The following MZF1 variants were observed in gnomAD, a reference collection of about 807,000 sequenced individuals.
MZF1 encodes the protein myeloid zinc finger 1, also known as zinc finger and SCAN domain-containing protein 6.
In MZF1, 24 loss-of-function variants were observed where a neutral mutation model predicts 28.6. That is an observed-to-expected ratio of 0.84 (90% CI 0.61 to 1.18). MZF1 has a LOEUF of 1.18. Ranked by LOEUF, MZF1 falls within the 50% of genes most tolerant of loss-of-function variation. MZF1 has a pLI of 0.00. For synonymous variants in MZF1, 516 were observed against 432.5 expected (o/e 1.19, Z -2.40); for missense variants, 1,166 against 1,026.4 (o/e 1.14, Z -1.86).
At chr19:58,570,938 G>A (rs1287681138) in intron 2 of MZF1, 56 bp downstream of exon 2, 28 of 1,530,420 alleles carry the variant, frequency 1.8e-5, no homozygotes, top group Non-Finnish European at 2.0e-5. Flanking sequence ...TGCCCAGGGT[G>A]AGGCCGAGCT....
chr19:58,569,064 A>T lies in MZF1; in HGVS notation c.772+213T>A, dbSNP rs547297533. The T allele has an allele frequency of 5.7e-6, 3 of 524,168 alleles. No individual in the cohort carries two copies. In the South Asian group the frequency reaches 8.9e-5, roughly 16 times the overall value. 32.5% of individuals were successfully genotyped at this position (524,168 alleles called of 1,614,324 possible). Reference sequence around the variant, plus strand: ...AGGGTGGGGAGTTTCTAGAAAGTAGAGGGGCTGTGGGATCAGTGGTAGTGG... The same window carrying T: ...AGGGTGGGGAGTTTCTAGAAAGTAGTGGGGCTGTGGGATCAGTGGTAGTGG... On this transcript the variant is annotated intron_variant, in intron 5 of 5. Transcript: ENST00000215057.
Position 58,562,072 on chromosome 19 carries a change from C to G in MZF1, c.2205G>C (p.Ter735TyrextTer42). Residue 735 changes from the stop codon to tyrosine, a stop_lost, in exon 6 of 6, where the codon TAG (stop) becomes TAC (tyrosine). Coordinates refer to ENST00000215057, the MANE Select transcript of MZF1 (RefSeq NM_198055.2). ...CGGACACAGTGCGTCCCGGCTGGAG[C>G]TACTCGGCGCTGTGGACGCGCTGGT... ...IQHQRVHSAE* is the reference protein window; with the variant it reads ...IQHQRVHSAEY 6.4e-7 allele frequency: 1 copy of G among 1,555,602 alleles called. No homozygotes were observed.
intron 5 of MZF1, chr19:58,568,054 T>C (rs1000370971): frequency 2.0e-5 from 3 of 152,118 alleles, no homozygotes; most frequent in East Asian, 1.9e-4. Flanking sequence ...CCTGGCAACA[T>C]AGTGAGAACC....
chr19:58,570,584 C>G, intron 2 of MZF1, 57 bp from the exon 3 acceptor site: 1 of 1,550,564 alleles, frequency 6.4e-7, no homozygotes. Flanking sequence ...TGGCCGCAAC[C>G]TGGGGTTTGT....
In MZF1 at chr19:58,563,192, C is replaced by T; in HGVS notation, c.1085G>A (p.Gly362Asp). Reference sequence around the variant, plus strand: ...GTTGCTGCGTTGGCTGAACACCTTGCCACATACATCGCAACGGCCGCCCCT... The same window carrying T: ...GTTGCTGCGTTGGCTGAACACCTTGTCACATACATCGCAACGGCCGCCCCT... ...VVRGGRCDVC[G>D]KVFSQRSNLL... Residue 362 changes from glycine to aspartate, a missense_variant, in exon 6 of 6, where the codon GGC becomes GAC. Physicochemically the swap from Gly to Asp is moderately conservative, Grantham distance 94 (BLOSUM62 -1). Transcript: ENST00000215057. The T allele has an allele frequency of 6.2e-7, 1 of 1,611,246 alleles. No individual in the cohort carries two copies. The highest frequency in any genetic ancestry group is 1.1e-5 in the South Asian group (1 of 90,964).
intron 5 of MZF1, among the ~76,000 whole-genome samples, chr19:58,565,810 G>A (rs1307713826): frequency 6.7e-6 from 1 of 148,504 alleles, no homozygotes; most frequent in Non-Finnish European, 1.5e-5. Flanking sequence ...GGGATTACAG[G>A]CGTGACGTGC....
At chr19:58,564,175 C>G (rs534419135) in intron 5 of MZF1, 1 of 152,312 alleles carries the variant, frequency 6.6e-6, no homozygotes, top group South Asian at 2.1e-4. Flanking sequence ...AAGGCGGAAG[C>G]CTGGAGGAGG....
intron 5 of MZF1, among the ~76,000 whole-genome samples, chr19:58,564,902 G>GGTTTTTTTTTTTTTTTTTTTT (rs1872485914): frequency 2.4e-5 from 1 of 41,954 alleles, no homozygotes. Context: ...CCATGTGTGT[G>GGTTTTTTTTTTTTTTTTTTTT]TTTTTTTTTT....
At position 58,570,441 on chromosome 19, in the gene MZF1, T is replaced by C. The variant is rs2054137463; in HGVS notation, c.483A>G (p.Pro161=). The C allele has an allele frequency of 3.7e-6, 6 of 1,613,966 alleles. No homozygotes were observed. Among genetic ancestry groups the C allele is most frequent in the Non-Finnish European group, 5.1e-6 (6 of 1,179,872 alleles). The part of the protein sequence containing the change: ...SFQPLPETEP[P]TPEPGPKTPP... The stretch of plus-strand genomic sequence containing the variant: ...GTGTCTTGGGCCCAGGCTCTGGAGT[T>C]GGAGGCTCAGTTTCAGGTAGGGGCT... The change falls in exon 3 of 6, where the codon CCA becomes CCG. Residue 161 remains proline, a synonymous_variant. Coordinates refer to ENST00000215057, the MANE Select transcript of MZF1 (RefSeq NM_198055.2).
Position 58,562,642 on chromosome 19 carries a change from C to G in MZF1, c.1635G>C (p.Glu545Asp). Residue 545 changes from glutamate to aspartate, a missense_variant, in exon 6 of 6, where the codon GAG (glutamate) becomes GAC (aspartate). Physicochemically the swap from Glu to Asp is conservative, Grantham distance 45 (BLOSUM62 2). Transcript: ENST00000215057. Reference protein sequence around the residue: ...HSGERPFACAECGQSFRQRSN... With the variant: ...HSGERPFACADCGQSFRQRSN... ...AGCGCTGCCGGAAGCTCTGGCCGCA[C>G]TCGGCACAGGCGAAGGGCCGCTCGC... is the stretch of plus-strand genomic sequence containing the variant. 1 of 1,556,496 alleles carries G rather than the reference C, an allele frequency of 6.4e-7. No individual in the cohort carries two copies. The highest frequency in any genetic ancestry group is 8.6e-7 in the Non-Finnish European group (1 of 1,156,748).
Position 58,562,424 on chromosome 19 carries a change from G to T in MZF1, c.1853C>A (p.Thr618Lys), listed in dbSNP as rs1600095365. The change falls in exon 6 of 6, where the codon ACA (threonine) becomes AAA (lysine). Residue 618 changes from threonine (T) to lysine (K), a missense_variant. By Grantham distance (78) the Thr-to-Lys change is moderately conservative (BLOSUM62 -1). Coordinates refer to ENST00000215057, the MANE Select transcript of MZF1 (RefSeq NM_198055.2). ...GTGGTAGGGCTTTTCGCCGGTGTGTGTCCTCTGATGACGCGTGAGCTTGAG... is the reference window on the plus strand; with the variant it reads ...GTGGTAGGGCTTTTCGCCGGTGTGTTTCCTCTGATGACGCGTGAGCTTGAG... ...QRLKLTRHQR[T>K]HTGEKPYHCG... The T allele has an allele frequency of 1.9e-6, 3 of 1,610,520 alleles. No individual in the cohort carries two copies. The highest frequency in any genetic ancestry group is 2.2e-5 in the South Asian group (2 of 90,740).
At chr19:58,565,685 A>C (rs1172553218) in intron 5 of MZF1, among the ~76,000 whole-genome samples, 1 of 150,604 alleles carries the variant, frequency 6.6e-6, no homozygotes, top group Non-Finnish European at 1.5e-5. Flanking sequence ...GGCGCCCGCC[A>C]CCACGCCTGA....
Position 58,571,443 on chromosome 19 carries a change from A to G in MZF1, c.-40-14T>C. On this transcript the variant is annotated splice_polypyrimidine_tract_variant and intron_variant, in intron 1 of 5. Coordinates refer to ENST00000215057, the MANE Select transcript of MZF1 (RefSeq NM_198055.2). ...CAGTGTCTGCCCCTGGTGAAGAAATAGGATGAGGCTGTTGCAAAAGGAGTA... is the reference window on the plus strand; with the variant it reads ...CAGTGTCTGCCCCTGGTGAAGAAATGGGATGAGGCTGTTGCAAAAGGAGTA... 1.2e-6 allele frequency: 2 copies of G among 1,602,568 alleles called. No homozygotes were observed. The highest frequency in any genetic ancestry group is 1.7e-6 in the Non-Finnish European group (2 of 1,173,708).
rs147732500 is a variant in MZF1, at chr19:58,567,155, G to T, written c.772+2122C>A. On this transcript the variant is annotated intron_variant, in intron 5 of 5. Coordinates refer to ENST00000215057, the MANE Select transcript of MZF1 (RefSeq NM_198055.2). ...ACTCTTGGACTCAAACAATCCACCTGCCTCCGCCTCCCAAAGTGCTGGGAT... is the reference window on the plus strand; with the variant it reads ...ACTCTTGGACTCAAACAATCCACCTTCCTCCGCCTCCCAAAGTGCTGGGAT... 7.0e-3 allele frequency among the ~76,000 whole-genome samples: 1,069 copies of T among 152,260 alleles called. 13 individuals are homozygous for T. The highest frequency in any genetic ancestry group is 0.024 in the African/African-American group (984 of 41,540).
At position 58,562,750 on chromosome 19, in the gene MZF1, G is replaced by A; in HGVS notation, c.1527C>T (p.Gly509=). Residue 509 remains glycine, a synonymous_variant, in exon 6 of 6, where the codon GGC becomes GGT. Coordinates refer to ENST00000215057, the MANE Select transcript of MZF1 (RefSeq NM_198055.2). ...ACTCGACGCAGCCAAAGGACTTGTC[G>A]CCCGTGTGTACCGCCTGGTGCTCCA... The part of the protein sequence containing the change: ...VLLEHQAVHT[G]DKSFGCVECG... The A allele has an allele frequency of 6.5e-7, 1 of 1,536,252 alleles. No homozygotes were observed. The highest frequency in any genetic ancestry group is 8.7e-7 in the Non-Finnish European group (1 of 1,147,350).
intron 5 of MZF1, 69 bp downstream of exon 5, chr19:58,569,208 G>GAGTGGGCCAGA: frequency 6.7e-7 from 1 of 1,502,348 alleles, no homozygotes; most frequent in Non-Finnish European, 8.9e-7. Context: ...GTAGGGCCAG[G>GAGTGGGCCAGA]AGTGGGGTCG....
Position 58,571,349 on chromosome 19 carries a change from G to A in MZF1, c.41C>T (p.Pro14Leu), listed in dbSNP as rs1489505183. ...AVLGSPDRAP[P>L]EDEGPVMVKL... ...CACCATGACAGGCCCCTCATCTTCT[G>A]GGGGTGCTCGGTCTGGGGAGCCCAG... Residue 14 changes from proline to leucine, a missense_variant, in exon 2 of 6, where the codon CCA becomes CTA. Pro to Leu is a moderately conservative substitution (Grantham distance 98). Transcript: ENST00000215057. 3.1e-6 allele frequency: 5 copies of A among 1,614,034 alleles called. No homozygotes were observed. The highest frequency in any genetic ancestry group is 1.6e-4 in the Middle Eastern group (1 of 6,084).
rs765890076 is a variant in MZF1, at chr19:58,570,364, G to C, written c.560C>G (p.Ser187Ter). The stretch of plus-strand genomic sequence containing the variant: ...CTCACCTGAGTCCTCTGTAACCTCT[G>C]ACTCCTCTTTCACCTGCAGGCCCAG... ...SPLGLQVKEE[S>*]EVTEDSDFLE... The change falls in exon 3 of 6, where the codon TCA (serine) becomes TGA (stop). Residue 187 changes from serine to a stop codon, truncating the protein, a stop_gained. Coordinates refer to ENST00000215057, the MANE Select transcript of MZF1 (RefSeq NM_198055.2). LOFTEE classifies it high-confidence loss of function. The C allele has an allele frequency of 1.9e-6, 3 of 1,612,932 alleles. No individual in the cohort carries two copies. Among genetic ancestry groups the C allele is most frequent in the Non-Finnish European group, 2.5e-6 (3 of 1,179,290 alleles).
At chr19:58,565,461 C>A (rs1474810188) in intron 5 of MZF1, among the ~76,000 whole-genome samples, 1 of 152,030 alleles carries the variant, frequency 6.6e-6, no homozygotes, top group Non-Finnish European at 1.5e-5. Flanking sequence ...ATCTCCTGAC[C>A]TCATATGATC....
Sources: allele counts gnomAD v4.1 joint callset (sites outside exome capture counted in the v4.1 genomes callset), GRCh38; gene constraint gnomAD v4.1.1; transcripts MANE v1.5; gene names NCBI Gene and HGNC (gene_info 2026-07-23, HGNC 2026-07-21).